L3MBTL3: variants seen among roughly 807,000 people sequenced by gnomAD.
The protein encoded by L3MBTL3 is lethal(3)malignant brain tumor-like protein 3.
In L3MBTL3, 27 loss-of-function variants were observed where a neutral mutation model predicts 102.3. The observed-to-expected ratio is 0.26, with a 90% CI of 0.19 to 0.36. The LOEUF is 0.36. Ranked by LOEUF, L3MBTL3 falls within the 10% of genes least tolerant of loss-of-function variation. The pLI, the probability that L3MBTL3 is intolerant of heterozygous loss-of-function variation, is 1.00. For missense variants in L3MBTL3, 798 were observed against 955.3 expected (o/e 0.84, Z 2.17); for synonymous variants, 340 against 320.9 (o/e 1.06, Z -0.64).
Position 130,140,717 on chromosome 6 carries a change from A to G in L3MBTL3, c.*964A>G, listed in dbSNP as rs1270447184. 1 of 152,256 alleles carries G rather than the reference A, an allele frequency of 6.6e-6. No individual in the cohort carries two copies. The highest frequency in any genetic ancestry group is 2.4e-5 in the African/African-American group (1 of 41,460). The allele number at this position is 152,256 out of a possible 1,614,324, so 9.4% of individuals were successfully genotyped here. A position where few individuals can be genotyped will look rare whatever the true frequency, so the allele number is the denominator to read the frequency against. On this transcript the variant is annotated 3_prime_UTR_variant, in exon 23 of 23. Transcript: ENST00000361794. ...AGCTCATTCTGTCAACAGAAACACT[A>G]ATCTGTACAGAGCGCTGTCTCAGGT...
chr6:130,029,480 T>G (rs1216799064), intron 2 of L3MBTL3, among the ~76,000 whole-genome samples: 2 of 152,210 alleles, frequency 1.3e-5, no homozygotes, highest in African/African-American at 4.8e-5. Flanking sequence ...CTGAGTAGTT[T>G]CTCAGAAATT....
At chr6:130,054,875 C>A (rs1482203739) in intron 7 of L3MBTL3, among the ~76,000 whole-genome samples, 3 of 152,124 alleles carry the variant, frequency 2.0e-5, no homozygotes, top group Admixed American at 6.6e-5. Flanking sequence ...GCCAGTAAGG[C>A]GTGAGGAAAA....
chr6:130,060,294 A>G (rs911707830), intron 10 of L3MBTL3, among the ~76,000 whole-genome samples, 154 bp downstream of exon 10: 1 of 152,154 alleles, frequency 6.6e-6, no homozygotes, highest in Non-Finnish European at 1.5e-5. Flanking sequence ...AATCCTGTGC[A>G]TGTTGTGGTT....
chr6:130,074,296 T>C (rs1351845126), intron 13 of L3MBTL3, among the ~76,000 whole-genome samples: 1 of 152,120 alleles, frequency 6.6e-6, no homozygotes, highest in Non-Finnish European at 1.5e-5. Flanking sequence ...TGATAAAAAT[T>C]TATGTAGGAC....
At chr6:130,084,751 A>G (rs979874637) in intron 15 of L3MBTL3, among the ~76,000 whole-genome samples, 2 of 152,176 alleles carry the variant, frequency 1.3e-5, no homozygotes, top group African/African-American at 4.8e-5. Flanking sequence ...GAGAAAACAG[A>G]TTTCTCTAGT....
intron 20 of L3MBTL3, among the ~76,000 whole-genome samples, chr6:130,132,558 G>T (rs1055736886): frequency 1.3e-5 from 2 of 152,130 alleles, no homozygotes; most frequent in African/African-American, 4.8e-5. Flanking sequence ...GGAAATGTAT[G>T]GGAGGTGCCT....
chr6:130,083,846 A>T (rs1783513057), intron 15 of L3MBTL3, 141 bp downstream of exon 15: 1 of 430,848 alleles, frequency 2.3e-6, no homozygotes, highest in Non-Finnish European at 4.2e-6. Context: ...TTGAATTTTT[A>T]CAATTTTTAA....
chr6:130,054,950 T>C (rs6923819), intron 7 of L3MBTL3: 295,652 of 476,488 alleles, frequency 0.62, 96,499 homozygotes, highest in East Asian at 0.73. Context: ...GCGGTGTCCA[T>C]GCCCTTCCAA....
At chr6:130,087,267 A>G (rs76873537) in intron 16 of L3MBTL3, among the ~76,000 whole-genome samples, 2,613 of 152,262 alleles carry the variant, frequency 0.017, 70 homozygotes, top group African/African-American at 0.059. Flanking sequence ...TTATAGAATC[A>G]TGTAGCATTT....
intron 1 of L3MBTL3, among the ~76,000 whole-genome samples, chr6:130,021,347 G>A (rs918357948): frequency 3.9e-5 from 6 of 152,224 alleles, no homozygotes; most frequent in African/African-American, 1.4e-4. Context: ...CAGATGTTGT[G>A]TGAAAGGATG....
chr6:130,107,762 G>A (rs1341623905), intron 19 of L3MBTL3, among the ~76,000 whole-genome samples: 7 of 152,164 alleles, frequency 4.6e-5, no homozygotes, highest in African/African-American at 1.4e-4. Context: ...AAACCAGTGA[G>A]AGACACTAAA....
chr6:130,090,698 T>C (rs1783990065), intron 16 of L3MBTL3, among the ~76,000 whole-genome samples: 1 of 152,056 alleles, frequency 6.6e-6, no homozygotes, highest in African/African-American at 2.4e-5. Context: ...CAGGCTCAGG[T>C]GATCCTCCCA....
chr6:130,036,566 A>G (rs183946683), intron 2 of L3MBTL3, among the ~76,000 whole-genome samples: 1 of 152,354 alleles, frequency 6.6e-6, no homozygotes, highest in Admixed American at 6.5e-5. Context: ...TGCAGGTTAT[A>G]TACAGTACTA....
intron 3 of L3MBTL3, among the ~76,000 whole-genome samples, chr6:130,047,057 G>T (rs1343198601): frequency 6.6e-6 from 1 of 152,012 alleles, no homozygotes; most frequent in East Asian, 1.9e-4. Flanking sequence ...AATGTTTTGA[G>T]GTATTTAATT....
chr6:130,072,631 A>G (rs985108912), intron 13 of L3MBTL3, among the ~76,000 whole-genome samples: 3 of 152,182 alleles, frequency 2.0e-5, no homozygotes, highest in African/African-American at 7.2e-5. Flanking sequence ...AGCACCAACA[A>G]TTATCAACTT....
intron 22 of L3MBTL3, among the ~76,000 whole-genome samples, chr6:130,139,173 GA>G (rs11380610): frequency 0.09 from 13,436 of 148,938 alleles, 796 homozygotes; most frequent in Middle Eastern, 0.16. Context: ...GCTAATTCTG[GA>G]AAAAAAAAAA....
chr6:130,103,868 A>C (rs1784839576), intron 18 of L3MBTL3, among the ~76,000 whole-genome samples: 1 of 152,232 alleles, frequency 6.6e-6, no homozygotes, highest in Non-Finnish European at 1.5e-5. Flanking sequence ...TCTTATGAAC[A>C]AGATTAGCTA....
chr6:130,098,872 T>C (rs1045483376), intron 18 of L3MBTL3, among the ~76,000 whole-genome samples: 15 of 151,134 alleles, frequency 9.9e-5, no homozygotes, highest in African/African-American at 2.4e-4. Context: ...TCTTTTTTTT[T>C]TTTTTTTTTT....
intron 22 of L3MBTL3, among the ~76,000 whole-genome samples, chr6:130,134,607 TG>T (rs769637969): frequency 7.2e-5 from 11 of 152,192 alleles, no homozygotes; most frequent in Non-Finnish European, 1.3e-4. Flanking sequence ...ATAAGCCACT[TG>T]CCTGTCATCT....
Sources: allele counts gnomAD v4.1 joint callset (sites outside exome capture counted in the v4.1 genomes callset), GRCh38; gene constraint gnomAD v4.1.1; transcripts MANE v1.5; gene names NCBI Gene and HGNC (gene_info 2026-07-23, HGNC 2026-07-21).